Variants in PLVAP observed in about 807,000 individuals in gnomAD.
The protein encoded by PLVAP is plasmalemma vesicle-associated protein.
In PLVAP, 34 loss-of-function variants were observed where a neutral mutation model predicts 43.1. The observed-to-expected ratio is 0.79, with a 90% CI of 0.60 to 1.05. The LOEUF is 1.05. Ranked by LOEUF, PLVAP falls within the 50% of genes least tolerant of loss-of-function variation. The probability of loss-of-function intolerance (pLI) is 0.00; values close to 1 mark genes in which losing one functional copy is unlikely to be tolerated. For missense variants in PLVAP, 574 were observed against 593.4 expected, an observed-to-expected ratio of 0.97 and a Z score of 0.34; for synonymous variants, 241 against 237.3, an observed-to-expected ratio of 1.02 and a Z score of -0.14.
intron 5 of PLVAP, among the ~76,000 whole-genome samples, chr19:17,358,228 G>A (rs1188538210): frequency 2.7e-5 from 4 of 150,394 alleles, no homozygotes; most frequent in Non-Finnish European, 5.9e-5. Context: ...ACAGCTTGGC[G>A]AGGGAGTGAG....
At position 17,352,279 on chromosome 19, in the gene PLVAP, T is replaced by G; in HGVS notation, c.*83A>C. 4 of 1,565,908 alleles carry G rather than the reference T, an allele frequency of 2.6e-6. No individual in the cohort carries two copies. In the South Asian group the frequency reaches 3.3e-5, roughly 13 times the overall value. On this transcript the variant is annotated 3_prime_UTR_variant, in exon 6 of 6. Coordinates refer to ENST00000252590, the MANE Select transcript of PLVAP (RefSeq NM_031310.3). The stretch of plus-strand genomic sequence containing the variant: ...GGTTGGGGGCGGCGGGAGGGGGTTG[T>G]GTCGGGCGCTGTGAGCATATCCCTG...
In PLVAP at chr19:17,352,320, G is replaced by A. The variant is rs2074489444; in HGVS notation, c.*42C>T. The A allele has an allele frequency of 1.2e-6, 2 of 1,612,162 alleles. No individual in the cohort carries two copies. The highest frequency in any genetic ancestry group is 8.5e-7 in the Non-Finnish European group (1 of 1,178,686). ...CATATCCCTGCATCCTCCGCAAACCGCCGAGTCGGGCCATCCCTTGGTCCT... is the reference window on the plus strand; with the variant it reads ...CATATCCCTGCATCCTCCGCAAACCACCGAGTCGGGCCATCCCTTGGTCCT... On this transcript the variant is annotated 3_prime_UTR_variant, in exon 6 of 6. Coordinates refer to ENST00000252590, the MANE Select transcript of PLVAP (RefSeq NM_031310.3).
Position 17,365,368 on chromosome 19 carries a change from T to G in PLVAP, c.1097A>C (p.Glu366Ala), listed in dbSNP as rs756174826. Residue 366 changes from glutamate (E) to alanine (A), a missense_variant, in exon 3 of 6, where the codon GAA (glutamate) becomes GCA (alanine). Physicochemically the swap from Glu to Ala is moderately radical, Grantham distance 107 (BLOSUM62 -1). Transcript: ENST00000252590. ...KERDNLAKEL[E>A]EKKREAEQLR... ...CTGCTCCGCCTCCCTCTTCTTCTCT[T>G]CCAGCTCCTTGGCCAGGTTGTCTCG... 1 of 1,613,440 alleles carries G rather than the reference T, an allele frequency of 6.2e-7. No individual in the cohort carries two copies. Among genetic ancestry groups the G allele is most frequent in the South Asian group, 1.1e-5 (1 of 91,088 alleles).
At chr19:17,370,001 T>TAAAAAAAAA (rs763532839) in intron 1 of PLVAP, among the ~76,000 whole-genome samples, 1 of 88,792 alleles carries the variant, frequency 1.1e-5, no homozygotes, top group Non-Finnish European at 2.2e-5. Flanking sequence ...AGAGTCTGTC[T>TAAAAAAAAA]AAAAAAAAAA....
At chr19:17,367,283 T>C (rs937562089) in intron 1 of PLVAP, among the ~76,000 whole-genome samples, 10 of 152,002 alleles carry the variant, frequency 6.6e-5, no homozygotes, top group Admixed American at 5.3e-4. Flanking sequence ...GGAGTGATCA[T>C]AGCTCACTGC....
At chr19:17,360,384 C>T in intron 5 of PLVAP, 144 bp downstream of exon 5, 1 of 822,492 alleles carries the variant, frequency 1.2e-6, no homozygotes, top group Non-Finnish European at 2.0e-6. Flanking sequence ...TCCCTCACGC[C>T]CAACCATACA....
chr19:17,352,611 G>A (rs1180421286), intron 5 of PLVAP, among the ~76,000 whole-genome samples: 3 of 152,036 alleles, frequency 2.0e-5, no homozygotes, highest in Non-Finnish European at 4.4e-5. Context: ...ACTGAGGTGT[G>A]TTCTTCCCCA....
intron 1 of PLVAP, among the ~76,000 whole-genome samples, chr19:17,375,923 G>A (rs867384502): frequency 1.3e-5 from 2 of 150,218 alleles, no homozygotes; most frequent in South Asian, 2.1e-4. Context: ...GTGCCCACCT[G>A]TAATCTCAGC....
chr19:17,365,983 A>G lies in PLVAP; in HGVS notation c.482T>C (p.Leu161Pro). 1 of 1,613,182 alleles carries G rather than the reference A, an allele frequency of 6.2e-7. No homozygotes were observed. The highest frequency in any genetic ancestry group is 8.5e-7 in the Non-Finnish European group (1 of 1,179,248). Residue 161 changes from leucine to proline, a missense_variant, in exon 3 of 6, where the codon CTG (leucine) becomes CCG (proline). By Grantham distance (98) the Leu-to-Pro change is moderately conservative (BLOSUM62 -3). Transcript: ENST00000252590. ...CTCCAGCGTCTTCACCTTCTGATTCAGCATGAAGAGCAAGGCTAAGGAAAA... is the reference window on the plus strand; with the variant it reads ...CTCCAGCGTCTTCACCTTCTGATTCGGCATGAAGAGCAAGGCTAAGGAAAA... Reference protein sequence around the residue: ...NKSCDALLFMLNQKVKTLEVE... With the variant: ...NKSCDALLFMPNQKVKTLEVE...
intron 3 of PLVAP, among the ~76,000 whole-genome samples, chr19:17,361,957 G>A (rs906939819): frequency 2.0e-5 from 3 of 151,884 alleles, no homozygotes; most frequent in Admixed American, 6.6e-5. Context: ...CTGGTGGCGG[G>A]CACCTGTAGT....
At chr19:17,373,240 C>T (rs570732832) in intron 1 of PLVAP, among the ~76,000 whole-genome samples, 1 of 151,842 alleles carries the variant, frequency 6.6e-6, no homozygotes, top group Admixed American at 6.6e-5. Flanking sequence ...GTGTTCCACC[C>T]CATCTTGGGG....
At chr19:17,372,587 G>A (rs1466643581) in intron 1 of PLVAP, among the ~76,000 whole-genome samples, 2 of 149,346 alleles carry the variant, frequency 1.3e-5, no homozygotes, top group African/African-American at 2.4e-5. Context: ...CTCCCGAGTA[G>A]CTGGGACTAC....
chr19:17,374,826 G>GTATGTATT lies in PLVAP; in HGVS notation c.369+2093_369+2094insAATACATA, dbSNP rs375938258. Among the ~76,000 whole-genome samples the GTATGTATT allele has an allele frequency of 3.4e-3, 514 of 149,482 alleles. 2 individuals carry two copies. The highest frequency in any genetic ancestry group is 0.013 in the East Asian group (62 of 4,956). ...TGTATGTATGTATGTATGTATGTAT[G>GTATGTATT]TATTTATTTTTAGACAGAGTCTCCC... On this transcript the variant is annotated intron_variant, in intron 1 of 5. Coordinates refer to ENST00000252590, the MANE Select transcript of PLVAP (RefSeq NM_031310.3).
chr19:17,369,697 A>G (rs1464586645), intron 1 of PLVAP, among the ~76,000 whole-genome samples: 1 of 151,300 alleles, frequency 6.6e-6, no homozygotes, highest in Non-Finnish European at 1.5e-5. Context: ...GCCAAAGAGC[A>G]TATCAAAAGA....
intron 3 of PLVAP, chr19:17,362,571 C>G (rs898100070): frequency 3.3e-5 from 5 of 152,258 alleles, no homozygotes; most frequent in Non-Finnish European, 7.3e-5. Flanking sequence ...AAAATTCACC[C>G]TTGGCTGCAA....
rs147299275 is a variant in PLVAP, at chr19:17,365,589, C to T, written c.876G>A (p.Ala292=). 1.5e-4 allele frequency: 249 copies of T among 1,612,638 alleles called. No homozygotes were observed. The highest frequency in any genetic ancestry group is 1.9e-4 in the Non-Finnish European group (224 of 1,180,050). The change falls in exon 3 of 6, where the codon GCG becomes GCA. Residue 292 remains alanine (A), a synonymous_variant. Coordinates refer to ENST00000252590, the MANE Select transcript of PLVAP (RefSeq NM_031310.3). The part of the protein sequence containing the change: ...KVEELARSLR[A]DIERVARENS... ...TCTCGCGGGCCACGCGTTCGATATCCGCCCGGAGGCTCCGGGCCAGCTCCT... is the reference window on the plus strand; with the variant it reads ...TCTCGCGGGCCACGCGTTCGATATCTGCCCGGAGGCTCCGGGCCAGCTCCT...
chr19:17,368,454 C>T (rs1267567983), intron 1 of PLVAP, among the ~76,000 whole-genome samples: 5 of 152,038 alleles, frequency 3.3e-5, no homozygotes, highest in Admixed American at 1.3e-4. Context: ...TCAGGTGATT[C>T]GCCCCCCTCG....
intron 5 of PLVAP, among the ~76,000 whole-genome samples, chr19:17,355,860 G>T (rs1395709165): frequency 6.6e-6 from 1 of 152,056 alleles, no homozygotes; most frequent in African/African-American, 2.4e-5. Context: ...CGTTTTTAAA[G>T]AAACTTACAT....
intron 1 of PLVAP, among the ~76,000 whole-genome samples, chr19:17,367,418 C>T (rs1225202523): frequency 6.8e-6 from 1 of 147,566 alleles, no homozygotes; most frequent in Non-Finnish European, 1.5e-5. Context: ...GACAGAGTTT[C>T]GCTCTTGTTG....
Sources: allele counts gnomAD v4.1 joint callset (sites outside exome capture counted in the v4.1 genomes callset), GRCh38; gene constraint gnomAD v4.1.1; transcripts MANE v1.5; gene names NCBI Gene and HGNC (gene_info 2026-07-23, HGNC 2026-07-21).